CSRNP3: variants seen among roughly 807,000 people sequenced by gnomAD.
CSRNP3 encodes the protein cysteine/serine-rich nuclear protein 3.
In CSRNP3, 12 loss-of-function variants were observed where a neutral mutation model predicts 48.0. The ratio of observed to expected loss-of-function variants is 0.25; its 90% confidence interval spans 0.16 to 0.41. CSRNP3 has a LOEUF of 0.41. Among genes scored for constraint, CSRNP3 ranks in the 10% least tolerant of loss-of-function variants. CSRNP3 has a pLI of 1.00. For synonymous variants in CSRNP3, 263 were observed against 269.7 expected, an observed-to-expected ratio of 0.98 and a Z score of 0.24; for missense variants, 580 against 724.4, an observed-to-expected ratio of 0.80 and a Z score of 2.29.
intron 2 of CSRNP3, among the ~76,000 whole-genome samples, chr2:165,513,591 C>G (rs1684537300): frequency 6.6e-6 from 1 of 152,190 alleles, no homozygotes; most frequent in African/African-American, 2.4e-5. Flanking sequence ...AAAAATATTA[C>G]AAGCTAATTT....
intron 3 of CSRNP3, among the ~76,000 whole-genome samples, chr2:165,550,224 G>T (rs971511712): frequency 6.6e-6 from 1 of 152,118 alleles, no homozygotes. Flanking sequence ...ATTTTAAAAA[G>T]TACAGAGAAA....
At chr2:165,647,974 A>G (rs1483511546) in intron 4 of CSRNP3, among the ~76,000 whole-genome samples, 1 of 152,168 alleles carries the variant, frequency 6.6e-6, no homozygotes, top group African/African-American at 2.4e-5. Context: ...GCTTCTGTGT[A>G]TTATATAGAA....
chr2:165,666,365 AAG>A (rs1402453006), intron 5 of CSRNP3, among the ~76,000 whole-genome samples: 2 of 66,626 alleles, frequency 3.0e-5, no homozygotes, highest in Non-Finnish European at 6.9e-5. Flanking sequence ...GAAGGAAGGA[AAG>A]AGAGAGGAAG....
chr2:165,551,789 A>T lies in CSRNP3; in HGVS notation c.-24+33828A>T, dbSNP rs577718293. Among the ~76,000 whole-genome samples, 177 of 150,968 alleles carry T rather than the reference A, an allele frequency of 1.2e-3. 9 individuals carry two copies. In the South Asian group the frequency reaches 0.036, roughly 31 times the overall value. On this transcript the variant is annotated intron_variant, in intron 3 of 6. Coordinates refer to ENST00000651982, the MANE Select transcript of CSRNP3 (RefSeq NM_001172173.2). The stretch of plus-strand genomic sequence containing the variant: ...GCAAAAAAGAATATACGAATTATTA[A>T]AAAAAAAAATCTCAGAACTCCAAAC...
intron 3 of CSRNP3, among the ~76,000 whole-genome samples, chr2:165,592,071 A>G (rs1685726774): frequency 6.6e-6 from 1 of 152,256 alleles, no homozygotes; most frequent in Non-Finnish European, 1.5e-5. Flanking sequence ...CTGCAAAGCC[A>G]CAGGGGCAGA....
rs1687617712 is a variant in CSRNP3, at chr2:165,685,570, A to G, written c.*5817A>G. The stretch of plus-strand genomic sequence containing the variant: ...TTCACATCTAGCCTGGAATTTTAGT[A>G]AATACAGATACTTGTTGTATCCATG... On this transcript the variant is annotated 3_prime_UTR_variant, in exon 7 of 7. Transcript: ENST00000651982. 6.6e-6 allele frequency: 1 copy of G among 152,156 alleles called. No individual in the cohort carries two copies. Among genetic ancestry groups the G allele is most frequent in the Non-Finnish European group, 1.5e-5 (1 of 68,006 alleles). 9.4% of individuals were successfully genotyped at this position (152,156 alleles called of 1,614,324 possible).
At chr2:165,592,231 T>G (rs1366711274) in intron 3 of CSRNP3, among the ~76,000 whole-genome samples, 2 of 152,234 alleles carry the variant, frequency 1.3e-5, no homozygotes, top group African/African-American at 4.8e-5. Flanking sequence ...CTTGATGGAT[T>G]TCAGACTTGC....
intron 4 of CSRNP3, among the ~76,000 whole-genome samples, chr2:165,628,200 G>T (rs1425437835): frequency 2.6e-5 from 4 of 152,030 alleles, no homozygotes; most frequent in African/African-American, 7.3e-5. Flanking sequence ...TTACAAATGA[G>T]CCCTGAGGGA....
chr2:165,502,617 ATAAG>A (rs1684372509), intron 2 of CSRNP3, among the ~76,000 whole-genome samples: 1 of 152,018 alleles, frequency 6.6e-6, no homozygotes, highest in Non-Finnish European at 1.5e-5. Context: ...CCCACTTCTA[ATAAG>A]TGAGTGCATA....
chr2:165,507,632 T>C (rs1353024723), intron 2 of CSRNP3, among the ~76,000 whole-genome samples: 2 of 152,196 alleles, frequency 1.3e-5, no homozygotes, highest in Non-Finnish European at 2.9e-5. Flanking sequence ...TATTTCACAT[T>C]GGCATTACGT....
intron 1 of CSRNP3, among the ~76,000 whole-genome samples, chr2:165,485,266 T>G (rs1192011746): frequency 6.6e-6 from 1 of 152,188 alleles, no homozygotes; most frequent in Non-Finnish European, 1.5e-5. Context: ...TTCCAAGGCA[T>G]AGAAGTATAA....
At chr2:165,599,216 C>A (rs1685859906) in intron 4 of CSRNP3, among the ~76,000 whole-genome samples, 1 of 146,602 alleles carries the variant, frequency 6.8e-6, no homozygotes, top group Non-Finnish European at 1.5e-5. Flanking sequence ...CAGAGCAAGA[C>A]CCTGTCTCAA....
chr2:165,526,801 ACCATATCATACTACAGAGATGGG>A (rs1345976845), intron 3 of CSRNP3, among the ~76,000 whole-genome samples: 2 of 152,312 alleles, frequency 1.3e-5, no homozygotes, highest in African/African-American at 4.8e-5. Context: ...GGAGAAATGG[ACCATATCATACTACAGAGATGGG>A]CCAGGAATTT....
At chr2:165,675,498 AG>A in intron 5 of CSRNP3, among the ~76,000 whole-genome samples, 1 of 152,220 alleles carries the variant, frequency 6.6e-6, no homozygotes, top group East Asian at 1.9e-4. Context: ...GTACTTATTC[AG>A]GGCTTACTGA....
At chr2:165,522,629 C>T (rs1684677747) in intron 3 of CSRNP3, among the ~76,000 whole-genome samples, 1 of 151,938 alleles carries the variant, frequency 6.6e-6, no homozygotes, top group South Asian at 2.1e-4. Context: ...ATGCCATTCA[C>T]TAATGTAATC....
At chr2:165,577,337 A>T (rs1685469321) in intron 3 of CSRNP3, among the ~76,000 whole-genome samples, 1 of 151,900 alleles carries the variant, frequency 6.6e-6, no homozygotes, top group Admixed American at 6.6e-5. Flanking sequence ...TATAAGAACA[A>T]TAAAATTGTA....
chr2:165,526,084 G>A (rs912705527), intron 3 of CSRNP3, among the ~76,000 whole-genome samples: 1 of 152,216 alleles, frequency 6.6e-6, no homozygotes, highest in African/African-American at 2.4e-5. Flanking sequence ...TATTGTGTCC[G>A]ACTGACGTAT....
In CSRNP3 at chr2:165,671,295, A is replaced by C. The variant is rs185767715; in HGVS notation, c.409-5017A>C. ...TTAAAGGTAGCATCATGTCAAGAGG[A>C]AAAAAATGGACAAAATGAATACCAC... is the stretch of plus-strand genomic sequence containing the variant. On this transcript the variant is annotated intron_variant, in intron 5 of 6. Coordinates refer to ENST00000651982, the MANE Select transcript of CSRNP3 (RefSeq NM_001172173.2). Among the ~76,000 whole-genome samples, 621 of 152,106 alleles carry C rather than the reference A, an allele frequency of 4.1e-3. 6 individuals are homozygous for C. Among genetic ancestry groups the C allele is most frequent in the African/African-American group, 0.014 (593 of 41,342 alleles).
At chr2:165,602,857 C>A (rs1685938799) in intron 4 of CSRNP3, among the ~76,000 whole-genome samples, 1 of 152,078 alleles carries the variant, frequency 6.6e-6, no homozygotes, top group African/African-American at 2.4e-5. Flanking sequence ...ATCCTCTTCG[C>A]CATCTCCTCA....
Sources: allele counts gnomAD v4.1 joint callset (sites outside exome capture counted in the v4.1 genomes callset), GRCh38; gene constraint gnomAD v4.1.1; transcripts MANE v1.5; gene names NCBI Gene and HGNC (gene_info 2026-07-23, HGNC 2026-07-21).